Variants in APLP2 observed in about 807,000 individuals in gnomAD.
APLP2 encodes the protein CDEI box-binding protein.
Under a neutral mutation model 89.9 loss-of-function variants are expected in APLP2, and 53 were observed. That is an observed-to-expected ratio of 0.59 (90% CI 0.47 to 0.74). The LOEUF is 0.74. Ranked by LOEUF, APLP2 falls within the 30% of genes least tolerant of loss-of-function variation. The pLI, the probability that APLP2 is intolerant of heterozygous loss-of-function variation, is 0.00. For synonymous variants in APLP2, 372 were observed against 348.6 expected, an observed-to-expected ratio of 1.07 and a Z score of -0.75; for missense variants, 973 against 975.9, an observed-to-expected ratio of 1.00 and a Z score of 0.04.
rs1952415174 is a variant in APLP2 at position 130,141,696 on chromosome 11, C to T, written c.1998+124C>T. On this transcript the variant is annotated intron_variant, in intron 15 of 16. Coordinates refer to ENST00000338167, the MANE Select transcript of APLP2 (RefSeq NM_001142276.2). This position sits in a 1 kb window ranked among gnomAD's most constrained non-coding sequence, Gnocchi z 4.2. Reference sequence around the variant, plus strand: ...GCTAATAAGGGTCCCTCATCCCCAGCTTTCCGTACTTTTGGATAAGAAAGC... The same window carrying T: ...GCTAATAAGGGTCCCTCATCCCCAGTTTTCCGTACTTTTGGATAAGAAAGC... 1.0e-6 allele frequency: 1 copy of T among 962,074 alleles called. No individual in the cohort carries two copies. Among genetic ancestry groups the T allele is most frequent in the Non-Finnish European group, 1.5e-6 (1 of 646,214 alleles). 59.6% of individuals were successfully genotyped at this position (962,074 alleles called of 1,614,324 possible).
At chr11:130,116,420 A>G (rs1012743578) in intron 3 of APLP2, among the ~76,000 whole-genome samples, 1 of 152,136 alleles carries the variant, frequency 6.6e-6, no homozygotes, top group Non-Finnish European at 1.5e-5. Flanking sequence ...TAGTTTTTTG[A>G]TATTAATAAC....
rs188675161 is a variant in APLP2 at position 130,126,917 on chromosome 11, C to G, written c.1221+87C>G. The G allele has an allele frequency of 1.5e-3, 2,327 of 1,568,058 alleles. 5 individuals carry two copies. Among genetic ancestry groups the G allele is most frequent in the Non-Finnish European group, 1.8e-3 (2,097 of 1,143,980 alleles). ...GCTGAAGAAAAGTAATAGCTTCTCCCTAGATTGTCATGCTGATGTATAAGG... is the reference window on the plus strand; with the variant it reads ...GCTGAAGAAAAGTAATAGCTTCTCCGTAGATTGTCATGCTGATGTATAAGG... On this transcript the variant is annotated intron_variant, in intron 8 of 16. Transcript: ENST00000338167.
In APLP2 at chr11:130,127,913, C is replaced by T. The variant is rs181904441; in HGVS notation, c.1296+73C>T. ...AATACGGTCAGAGCCCCATTCCCAA[C>T]GAAATTAGGATTGGACACCACCTCC... is the stretch of plus-strand genomic sequence containing the variant. On this transcript the variant is annotated intron_variant, in intron 9 of 16. Transcript: ENST00000338167. 1.8e-4 allele frequency: 241 copies of T among 1,330,806 alleles called. 1 individual carries two copies. In the African/African-American group the frequency reaches 2.2e-3, roughly 12 times the overall value. The allele number at this position is 1,330,806 out of a possible 1,614,324, so 82.4% of individuals were successfully genotyped here.
At chr11:130,109,693 T>C in intron 2 of APLP2, 91 bp downstream of exon 2, 1 of 1,406,700 alleles carries the variant, frequency 7.1e-7, no homozygotes, top group Admixed American at 2.4e-5. Context: ...GTCATTCTCT[T>C]TTGACCTAAG....
chr11:130,125,980 C>T (rs534910851), intron 7 of APLP2, among the ~76,000 whole-genome samples: 153 of 152,276 alleles, frequency 1.0e-3, no homozygotes, highest in African/African-American at 3.3e-3. Context: ...CTCTGGGGAA[C>T]GCTTGGGAAG....
At position 130,123,801 on chromosome 11, in the gene APLP2, T is replaced by C. The variant is rs1230791519; in HGVS notation, c.1090+22T>C. ...ATGAGTAAGTCCTGCCTCGCGCTGG[T>C]CCCGTGCGGCAGCACCGTCCTGTCT... On this transcript the variant is annotated intron_variant, in intron 7 of 16. Coordinates refer to ENST00000338167, the MANE Select transcript of APLP2 (RefSeq NM_001142276.2). The surrounding 1 kb of genome is among the most constrained non-coding windows in gnomAD (Gnocchi z 4.0). 3 of 1,610,982 alleles carry C rather than the reference T, an allele frequency of 1.9e-6. No homozygotes were observed. Among genetic ancestry groups the C allele is most frequent in the East Asian group, 2.2e-5 (1 of 44,858 alleles).
intron 11 of APLP2, among the ~76,000 whole-genome samples, chr11:130,133,235 G>A (rs1013925763): frequency 5.9e-5 from 9 of 151,574 alleles, no homozygotes; most frequent in Non-Finnish European, 4.4e-5. Context: ...TGATCCTCCA[G>A]CCTTAGCCTC....
chr11:130,081,693 C>T (rs1345050132), intron 1 of APLP2, among the ~76,000 whole-genome samples: 11 of 152,076 alleles, frequency 7.2e-5, no homozygotes, highest in Non-Finnish European at 1.3e-4. Flanking sequence ...GCAGAATCCC[C>T]AAATAACATG....
chr11:130,081,225 T>G lies in APLP2; in HGVS notation c.105+11143T>G, dbSNP rs190041572. 2.6e-3 allele frequency among the ~76,000 whole-genome samples: 396 copies of G among 152,346 alleles called. 2 individuals are homozygous for G. The highest frequency in any genetic ancestry group is 8.9e-3 in the African/African-American group (370 of 41,570). ...ATTTTGTAACGTGTATAGCTTTTTT[T>G]GGGATCACACTTGATGGTTTGGGGC... On this transcript the variant is annotated intron_variant, in intron 1 of 16. Coordinates refer to ENST00000338167, the MANE Select transcript of APLP2 (RefSeq NM_001142276.2).
intron 6 of APLP2, among the ~76,000 whole-genome samples, chr11:130,122,898 T>G (rs1949986435): frequency 6.6e-6 from 1 of 152,216 alleles, no homozygotes; most frequent in South Asian, 2.1e-4. Context: ...CTTTTCCTGC[T>G]TGTCTTCTAA....
rs563341762 is a variant in APLP2, at chr11:130,113,188, T to C, written c.403+2527T>C. ...TTTGTCAACCTCAGCACCATGGTAGTGCCTAGAATATCGGATATACTGTTT... is the reference window on the plus strand; with the variant it reads ...TTTGTCAACCTCAGCACCATGGTAGCGCCTAGAATATCGGATATACTGTTT... On this transcript the variant is annotated intron_variant, in intron 3 of 16. Coordinates refer to ENST00000338167, the MANE Select transcript of APLP2 (RefSeq NM_001142276.2). Among the ~76,000 whole-genome samples the C allele has an allele frequency of 5.9e-5, 9 of 152,340 alleles. No homozygotes were observed. In the South Asian group the frequency reaches 1.9e-3, roughly 32 times the overall value.
intron 8 of APLP2, among the ~76,000 whole-genome samples, chr11:130,127,537 TACTC>T (rs755266271): frequency 3.9e-5 from 6 of 152,212 alleles, no homozygotes; most frequent in Non-Finnish European, 5.9e-5. Flanking sequence ...TTAAATAACT[TACTC>T]AAGGTTATGT....
At chr11:130,139,640 G>C (rs944064919) in intron 13 of APLP2, 1 of 152,236 alleles carries the variant, frequency 6.6e-6, no homozygotes, top group Non-Finnish European at 1.5e-5. Context: ...TGTTGCTCAG[G>C]CAGTGTCTGA....
intron 8 of APLP2, 122 bp from the exon 9 acceptor site, chr11:130,127,644 G>T: frequency 1.3e-6 from 1 of 791,646 alleles, no homozygotes; most frequent in Non-Finnish European, 2.2e-6. Flanking sequence ...CTAAGAGATT[G>T]TGTGATTGGT....
intron 1 of APLP2, among the ~76,000 whole-genome samples, chr11:130,084,298 G>T (rs1216935775): frequency 6.6e-6 from 1 of 151,688 alleles, no homozygotes; most frequent in Admixed American, 6.6e-5. Context: ...TATTATTTTT[G>T]TCCTTCATTC....
intron 6 of APLP2, among the ~76,000 whole-genome samples, chr11:130,122,735 C>T (rs1032573329): frequency 1.3e-5 from 2 of 152,134 alleles, no homozygotes; most frequent in African/African-American, 2.4e-5. Flanking sequence ...AATTAGAGAA[C>T]GGGGACTAGA....
At chr11:130,109,874 C>T (rs546618272) in intron 2 of APLP2, 4 of 352,252 alleles carry the variant, frequency 1.1e-5, no homozygotes, top group African/African-American at 2.1e-5. Flanking sequence ...TCTCATCCTC[C>T]CACTTGTCTT....
chr11:130,111,052 G>C (rs1179066753), intron 3 of APLP2, among the ~76,000 whole-genome samples: 1 of 152,120 alleles, frequency 6.6e-6, no homozygotes, highest in African/African-American at 2.4e-5. Flanking sequence ...TGCACCATTT[G>C]ACCAAATTTC....
intron 1 of APLP2, 141 bp from the exon 2 acceptor site, chr11:130,109,288 G>A (rs756202022): frequency 4.0e-6 from 3 of 745,758 alleles, no homozygotes; most frequent in Non-Finnish European, 6.1e-6. Context: ...CTAGCTCCTG[G>A]GAAAAGGATT....
Sources: allele counts gnomAD v4.1 joint callset (sites outside exome capture counted in the v4.1 genomes callset), GRCh38; gene constraint gnomAD v4.1.1; non-coding constraint Gnocchi (gnomAD v3.1); transcripts MANE v1.5; gene names NCBI Gene and HGNC (gene_info 2026-07-23, HGNC 2026-07-21).